Variants in NPR2 observed in about 807,000 individuals in gnomAD.
The protein encoded by NPR2 is natriuretic peptide receptor 2.
NPR2 carries 49 observed loss-of-function variants against 120.7 expected under a neutral mutation model. That is an observed-to-expected ratio of 0.41 (90% confidence interval 0.32 to 0.52). NPR2 has a LOEUF of 0.52. Ranked by LOEUF, NPR2 falls within the 20% of genes least tolerant of loss-of-function variation. NPR2 has a pLI of 0.36. For missense variants in NPR2, 931 were observed against 1,362.9 expected (o/e 0.68, Z 4.99); for synonymous variants, 484 against 519.8 (o/e 0.93, Z 0.94).
At chr9:35,804,466 C>T (rs950996483) in intron 12 of NPR2, among the ~76,000 whole-genome samples, 2 of 152,110 alleles carry the variant, frequency 1.3e-5, no homozygotes, top group African/African-American at 2.4e-5. Flanking sequence ...CTGCTGGGCT[C>T]AAGCAATCTG....
At chr9:35,807,489 C>A in intron 18 of NPR2, 91 bp downstream of exon 18, 2 of 1,021,910 alleles carry the variant, frequency 2.0e-6, no homozygotes, top group South Asian at 1.3e-5. Context: ...ACCTTACCCA[C>A]CCCATGATCA....
chr9:35,796,892 TC>T (rs1827961336), intron 2 of NPR2, among the ~76,000 whole-genome samples: 1 of 151,926 alleles, frequency 6.6e-6, no homozygotes, highest in Non-Finnish European at 1.5e-5. Context: ...CCCTCTGAGG[TC>T]CCAGACCAGG....
At position 35,809,576 on chromosome 9, in the gene NPR2, T is replaced by TA. The variant is rs1828652094; in HGVS notation, c.*132dup. Reference sequence around the variant, plus strand: ...AAAACAGCCACAAAAAAACCTACCTTATATGGAAGTTGTAGCCCTCTGCAG... The same window carrying TA: ...AAAACAGCCACAAAAAAACCTACCTTAATATGGAAGTTGTAGCCCTCTGCAG... On this transcript the variant is annotated 3_prime_UTR_variant, in exon 22 of 22. Transcript: ENST00000342694. This position sits in a 1 kb window ranked among gnomAD's most constrained non-coding sequence, Gnocchi z 4.1. The TA allele has an allele frequency of 4.7e-6, 7 of 1,474,016 alleles. No homozygotes were observed. The South Asian group carries it at 7.9e-5, about 17-fold the overall frequency. The allele number at this position is 1,474,016 out of a possible 1,614,324, so 91.3% of individuals were successfully genotyped here.
intron 2 of NPR2, among the ~76,000 whole-genome samples, chr9:35,796,230 TG>T (rs1827941354): frequency 6.6e-6 from 1 of 152,178 alleles, no homozygotes; most frequent in Non-Finnish European, 1.5e-5. Flanking sequence ...TTGCCCAAGT[TG>T]GAGAGCAGTG....
intron 1 of NPR2, 105 bp from the exon 2 acceptor site, chr9:35,793,793 T>G: frequency 8.5e-7 from 1 of 1,173,480 alleles, no homozygotes; most frequent in Non-Finnish European, 1.3e-6. Context: ...GTTAGGGCAC[T>G]CTCTTTCTTG....
intron 2 of NPR2, among the ~76,000 whole-genome samples, chr9:35,797,135 A>G (rs1004945686): frequency 2.6e-5 from 4 of 152,224 alleles, no homozygotes; most frequent in African/African-American, 9.6e-5. Context: ...TATGTCTAGC[A>G]TGTAGTAGGT....
intron 18 of NPR2, among the ~76,000 whole-genome samples, 158 bp downstream of exon 18, chr9:35,807,556 G>A (rs967493871): frequency 7.2e-5 from 11 of 152,176 alleles, no homozygotes; most frequent in Non-Finnish European, 1.6e-4. Flanking sequence ...GTAGACAGAT[G>A]TAGCTCCAGC....
rs1193711026 is a variant in NPR2 at position 35,793,970 on chromosome 9, A to G, written c.740A>G (p.Asn247Ser). The change falls in exon 2 of 22, where the codon AAT becomes AGT. Residue 247 changes from asparagine to serine, a missense_variant. Around this residue, in one of 3 missense-constraint regions of NPR2, gnomAD observed 681 missense variants for 974.3 expected, o/e 0.70. Coordinates refer to ENST00000342694, the MANE Select transcript of NPR2 (RefSeq NM_003995.4). Reference sequence around the variant, plus strand: ...CAGGCCCAGAGGGAGAATCTGACCAATGGGGATTATGTCTTCTTTTACCTG... The same window carrying G: ...CAGGCCCAGAGGGAGAATCTGACCAGTGGGGATTATGTCTTCTTTTACCTG... ...LLQAQRENLT[N>S]GDYVFFYLDV... The G allele has an allele frequency of 2.5e-6, 4 of 1,614,024 alleles. No individual in the cohort carries two copies. In the Admixed American group the frequency reaches 6.7e-5, roughly 27 times the overall value.
chr9:35,802,665 A>G lies in NPR2; in HGVS notation c.1815+58A>G. The G allele has an allele frequency of 3.4e-6, 5 of 1,476,346 alleles. No individual in the cohort carries two copies. Among genetic ancestry groups the G allele is most frequent in the Non-Finnish European group, 4.7e-6 (5 of 1,054,448 alleles). 91.5% of individuals were successfully genotyped at this position (1,476,346 alleles called of 1,614,324 possible). A position where few individuals can be genotyped will look rare whatever the true frequency, so the allele number is the denominator to read the frequency against. On this transcript the variant is annotated intron_variant, in intron 11 of 21. Coordinates refer to ENST00000342694, the MANE Select transcript of NPR2 (RefSeq NM_003995.4). This position sits in a 1 kb window ranked among gnomAD's most constrained non-coding sequence, Gnocchi z 4.2. ...GTGGGAAGGATAGACCCAAAGTTAT[A>G]CTGACTCTATGCTGGGTGATAGCTG...
chr9:35,797,814 A>G (rs1468530451), intron 2 of NPR2, among the ~76,000 whole-genome samples: 3 of 152,108 alleles, frequency 2.0e-5, no homozygotes, highest in Non-Finnish European at 4.4e-5. Context: ...GTTCTAGCAT[A>G]GCAGTTTAGG....
rs1828126509 is a variant in NPR2, at chr9:35,800,922, C to T, written c.1351+81C>T. On this transcript the variant is annotated intron_variant, in intron 6 of 21. Transcript: ENST00000342694. The surrounding 1 kb of genome is among the most constrained non-coding windows in gnomAD (Gnocchi z 4.7). ...CCTCCACCCTCACTGACCCTCCACT[C>T]TTAACTGTGCTTCTGCCTTTACGTC... is the stretch of plus-strand genomic sequence containing the variant. 1.3e-6 allele frequency: 2 copies of T among 1,592,376 alleles called. No homozygotes were observed. The highest frequency in any genetic ancestry group is 1.1e-5 in the South Asian group (1 of 90,672).
chr9:35,794,094 G>C lies in NPR2; in HGVS notation c.864G>C (p.Glu288Asp). 6.2e-7 allele frequency: 1 copy of C among 1,613,744 alleles called. No homozygotes were observed. The change falls in exon 2 of 22, where the codon GAG becomes GAC. Residue 288 changes from glutamate (E) to aspartate (D), a missense_variant. Physicochemically the swap from Glu to Asp is conservative, Grantham distance 45 (BLOSUM62 2). Coordinates refer to ENST00000342694, the MANE Select transcript of NPR2 (RefSeq NM_003995.4). Reference protein sequence around the residue: ...RTREQAQALREAFQTVLVITY... With the variant: ...RTREQAQALRDAFQTVLVITY... Reference sequence around the variant, plus strand: ...GGGAACAGGCCCAGGCCCTCAGAGAGGCCTTTCAGGTATCATTTGAGCCAA... The same window carrying C: ...GGGAACAGGCCCAGGCCCTCAGAGACGCCTTTCAGGTATCATTTGAGCCAA...
At chr9:35,801,605 T>G in intron 7 of NPR2, 38 bp from the exon 8 acceptor site, 2 of 1,613,790 alleles carry the variant, frequency 1.2e-6, no homozygotes, top group Non-Finnish European at 1.7e-6. Context: ...GTGGCAGGAT[T>G]CGGCTTGCCA....
Position 35,808,466 on chromosome 9 carries a change from T to C in NPR2, c.2713-43T>C, listed in dbSNP as rs1444515842. 1 of 1,601,004 alleles carries C rather than the reference T, an allele frequency of 6.2e-7. No individual in the cohort carries two copies. Among genetic ancestry groups the C allele is most frequent in the Non-Finnish European group, 8.6e-7 (1 of 1,168,640 alleles). ...CTCCCTCTACTTTTTCCCATCCCCA[T>C]GGATATAAATAGAGGTGACCTTTTA... On this transcript the variant is annotated intron_variant, in intron 18 of 21. Transcript: ENST00000342694. The surrounding 1 kb of genome is among the most constrained non-coding windows in gnomAD (Gnocchi z 4.0).
Position 35,808,824 on chromosome 9 carries a change from C to G in NPR2, c.2957C>G (p.Thr986Ser), listed in dbSNP as rs749804166. The change falls in exon 20 of 22, where the codon ACT becomes AGT. Residue 986 changes from threonine (T) to serine (S), a missense_variant. Physicochemically the swap from Thr to Ser is moderately conservative, Grantham distance 58. Transcript: ENST00000342694. This position sits in a 1 kb window ranked among gnomAD's most constrained non-coding sequence, Gnocchi z 4.0. ...TGTCTTTTTGGAGACACAGTGAACA[C>G]TGCTTCTCGAATGGAGTCTAATGGT... ...RYCLFGDTVN[T>S]ASRMESNGQA... 6.2e-7 allele frequency: 1 copy of G among 1,611,252 alleles called. No individual in the cohort carries two copies. Among genetic ancestry groups the G allele is most frequent in the Non-Finnish European group, 8.5e-7 (1 of 1,177,322 alleles).
intron 2 of NPR2, among the ~76,000 whole-genome samples, chr9:35,795,205 C>A (rs1232394354): frequency 2.0e-5 from 3 of 152,166 alleles, no homozygotes; most frequent in African/African-American, 4.8e-5. Context: ...CCTACCAGGC[C>A]TCTGAGTTCC....
chr9:35,800,624 G>T lies in NPR2; in HGVS notation c.1219-85G>T. 1 of 1,608,328 alleles carries T rather than the reference G, an allele frequency of 6.2e-7. No homozygotes were observed. On this transcript the variant is annotated intron_variant, in intron 5 of 21. Transcript: ENST00000342694. The surrounding 1 kb of genome is among the most constrained non-coding windows in gnomAD (Gnocchi z 4.7). ...TGCATCCTGGCTGGGTGGTAGGCTG[G>T]GGAGAAAAGCAGCGAAACAGCTGGG...
chr9:35,793,238 C>T (rs1827843803), intron 1 of NPR2, among the ~76,000 whole-genome samples, 163 bp downstream of exon 1: 1 of 152,162 alleles, frequency 6.6e-6, no homozygotes, highest in Non-Finnish European at 1.5e-5. Flanking sequence ...AGGGCCAAGG[C>T]TTCATCATGG....
intron 1 of NPR2, 126 bp from the exon 2 acceptor site, chr9:35,793,772 G>A (rs1334299567): frequency 4.4e-6 from 4 of 919,406 alleles, no homozygotes; most frequent in Non-Finnish European, 7.1e-6. Context: ...CATCTGCTTT[G>A]GGGTTGATAG....
Sources: gnomAD v4.1 joint callset for allele counts (sites outside exome capture counted in the v4.1 genomes callset) on GRCh38, gnomAD v4.1.1 for gene constraint, gnomAD v4.1.1 regional missense constraint, Gnocchi (gnomAD v3.1) non-coding constraint, MANE v1.5 for transcripts, NCBI Gene and HGNC (gene_info 2026-07-23, HGNC 2026-07-21) for gene names.